ANO10: variants seen among roughly 807,000 people sequenced by gnomAD.
ANO10 encodes the protein anoctamin-10.
A neutral mutation model predicts 74.7 loss-of-function variants in ANO10; 77 were observed. The ratio of observed to expected loss-of-function variants is 1.03; its 90% CI spans 0.86 to 1.25. The LOEUF is 1.25. ANO10 is among the 50% of genes most tolerant of loss of function. The pLI, the probability that ANO10 is intolerant of heterozygous loss-of-function variation, is 0.00. For synonymous variants in ANO10, 279 were observed against 284.9 expected, an observed-to-expected ratio of 0.98 and a Z score of 0.21; for missense variants, 721 against 778.1, an observed-to-expected ratio of 0.93 and a Z score of 0.87.
chr3:43,428,224 AT>A, intron 12 of ANO10, among the ~76,000 whole-genome samples: 1 of 151,844 alleles, frequency 6.6e-6, no homozygotes, highest in East Asian at 1.9e-4. Flanking sequence ...TAATTTTTGT[AT>A]TTTTAGTAGA....
At chr3:43,467,289 T>A (rs1372640318) in intron 11 of ANO10, among the ~76,000 whole-genome samples, 3 of 152,176 alleles carry the variant, frequency 2.0e-5, no homozygotes, top group African/African-American at 7.2e-5. Flanking sequence ...GAGAAATGGG[T>A]ACAAGAATGT....
chr3:43,395,771 C>CA (rs35046151), intron 12 of ANO10, among the ~76,000 whole-genome samples: 55,440 of 138,468 alleles, frequency 0.4, 10,469 homozygotes, highest in Middle Eastern at 0.45. Context: ...TCAACTTCTA[C>CA]AAAAAAAAAA....
At chr3:43,386,334 G>C (rs1010682743) in intron 12 of ANO10, among the ~76,000 whole-genome samples, 3 of 151,700 alleles carry the variant, frequency 2.0e-5, no homozygotes, top group African/African-American at 7.3e-5. Flanking sequence ...AAGCAAAAGA[G>C]AAAGCAAGAA....
At chr3:43,599,044 T>TATA (rs2082219247) in intron 3 of ANO10, among the ~76,000 whole-genome samples, 1 of 152,240 alleles carries the variant, frequency 6.6e-6, no homozygotes, top group South Asian at 2.1e-4. Flanking sequence ...GAAGTTTGCC[T>TATA]ATATGGCAAA....
intron 4 of ANO10, among the ~76,000 whole-genome samples, chr3:43,597,741 C>T (rs2082157974): frequency 6.6e-6 from 1 of 151,734 alleles, no homozygotes; most frequent in South Asian, 2.1e-4. Context: ...TGCACATGTA[C>T]CCTAGAACTT....
In ANO10 at chr3:43,483,211, A is replaced by G. The variant is rs549957902; in HGVS notation, c.1798-50484T>C. On this transcript the variant is annotated intron_variant, in intron 11 of 12. Coordinates refer to ENST00000292246, the MANE Select transcript of ANO10 (RefSeq NM_018075.5). ...AAATGTCTTTGTTTATTTCCTGTGGAAATAATGACTTCCTGCGTAACTCTA... is the reference window on the plus strand; with the variant it reads ...AAATGTCTTTGTTTATTTCCTGTGGGAATAATGACTTCCTGCGTAACTCTA... 7.2e-5 allele frequency among the ~76,000 whole-genome samples: 11 copies of G among 152,346 alleles called. No individual in the cohort carries two copies. The East Asian group carries it at 1.7e-3, about 24-fold the overall frequency.
chr3:43,487,064 T>G (rs1354477331), intron 11 of ANO10, among the ~76,000 whole-genome samples: 1 of 143,852 alleles, frequency 7.0e-6, no homozygotes, highest in African/African-American at 2.6e-5. Context: ...GAGATAATCA[T>G]GTGGTTTTTG....
chr3:43,623,176 G>GTT (rs2149554560), upstream of ANO10, among the ~76,000 whole-genome samples: 1 of 152,240 alleles, frequency 6.6e-6, no homozygotes, highest in East Asian at 1.9e-4. Context: ...GGCTTTAAGT[G>GTT]TTTTTAGTTA....
intron 12 of ANO10, among the ~76,000 whole-genome samples, chr3:43,367,260 G>A (rs1204503693): frequency 1.3e-5 from 2 of 152,246 alleles, no homozygotes; most frequent in African/African-American, 4.8e-5. Context: ...TGGCCAGGAT[G>A]AGGGGAATAG....
intron 11 of ANO10, among the ~76,000 whole-genome samples, chr3:43,484,803 T>G (rs1228496254): frequency 3.9e-5 from 6 of 152,096 alleles, no homozygotes; most frequent in African/African-American, 9.7e-5. Flanking sequence ...GTCCATTCAG[T>G]TGGTGGGGGG....
intron 1 of ANO10, among the ~76,000 whole-genome samples, chr3:43,654,787 TAAAC>T (rs1160307675): frequency 1.3e-5 from 2 of 152,192 alleles, no homozygotes; most frequent in Non-Finnish European, 2.9e-5. Flanking sequence ...ATGACTGCCA[TAAAC>T]AACCAGTGCA....
At chr3:43,633,149 C>T (rs1284023896) in intron 1 of ANO10, among the ~76,000 whole-genome samples, 1 of 152,056 alleles carries the variant, frequency 6.6e-6, no homozygotes, top group African/African-American at 2.4e-5. Flanking sequence ...CCTATCTCGT[C>T]CCCCCGGAAA....
intron 12 of ANO10, 42 bp from the exon 13 acceptor site, chr3:43,367,016 T>A (rs1484796397): frequency 6.4e-7 from 1 of 1,556,228 alleles, no homozygotes; most frequent in South Asian, 1.2e-5. Flanking sequence ...CACAGAAGCC[T>A]AAGTAGTGGC....
chr3:43,626,591 A>C (rs533547618), upstream of ANO10, among the ~76,000 whole-genome samples: 1 of 152,290 alleles, frequency 6.6e-6, no homozygotes, highest in African/African-American at 2.4e-5. Flanking sequence ...ATGAGCCACC[A>C]TGCCCAGCCA....
At chr3:43,455,736 A>G (rs1304839182) in intron 11 of ANO10, among the ~76,000 whole-genome samples, 1 of 152,178 alleles carries the variant, frequency 6.6e-6, no homozygotes, top group Admixed American at 6.5e-5. Context: ...GTTTCTGAAT[A>G]AACTACACTT....
intron 11 of ANO10, among the ~76,000 whole-genome samples, chr3:43,470,310 G>C (rs2075798142): frequency 6.6e-6 from 1 of 152,178 alleles, no homozygotes. Context: ...AGAGGAACCT[G>C]TTTGGGCTAT....
At chr3:43,501,522 A>C (rs1575277260) in intron 11 of ANO10, among the ~76,000 whole-genome samples, 1 of 152,188 alleles carries the variant, frequency 6.6e-6, no homozygotes, top group East Asian at 1.9e-4. Flanking sequence ...AATCTGAAGC[A>C]GTGAAGGGGG....
chr3:43,691,418 C>T, intron 1 of ANO10: 1 of 170,272 alleles, frequency 5.9e-6, no homozygotes, highest in Non-Finnish European at 1.2e-5. Flanking sequence ...CCAATGCCGC[C>T]GGCGGGCGGT....
intron 12 of ANO10, among the ~76,000 whole-genome samples, chr3:43,412,808 T>C (rs2092685792): frequency 6.6e-6 from 1 of 152,122 alleles, no homozygotes; most frequent in Non-Finnish European, 1.5e-5. Flanking sequence ...CCCAGCACTT[T>C]GGGAGGCCGA....
Sources: gnomAD v4.1 joint callset for allele counts (sites outside exome capture counted in the v4.1 genomes callset) on GRCh38, gnomAD v4.1.1 for gene constraint, MANE v1.5 for transcripts, NCBI Gene and HGNC (gene_info 2026-07-23, HGNC 2026-07-21) for gene names.